USP34: variants seen among roughly 807,000 people sequenced by gnomAD.
USP34 encodes the protein ubiquitin specific peptidase 34.
A neutral mutation model predicts 460.3 loss-of-function variants in USP34; 70 were observed. The ratio of observed to expected loss-of-function variants is 0.15; its 90% CI spans 0.13 to 0.19. The LOEUF is 0.19. Among genes scored for constraint, USP34 ranks in the 10% least tolerant of loss-of-function variants. The pLI is 1.00. For synonymous variants in USP34, 1,647 were observed against 1,405.3 expected, an observed-to-expected ratio of 1.17 and a Z score of -3.85; for missense variants, 3,985 against 4,236.2, an observed-to-expected ratio of 0.94 and a Z score of 1.65.
At chr2:61,293,391 C>T in intron 33 of USP34, 73 bp downstream of exon 33, 1 of 1,164,940 alleles carries the variant, frequency 8.6e-7, no homozygotes, top group South Asian at 1.5e-5. Context: ...AAAAGCTATA[C>T]TTGCTGATGA....
chr2:61,398,431 G>C (rs1005340366), intron 3 of USP34, among the ~76,000 whole-genome samples: 18 of 144,352 alleles, frequency 1.2e-4, no homozygotes, highest in Non-Finnish European at 1.5e-5. Flanking sequence ...GAAAGGGTAA[G>C]GGAGGAGGAG....
chr2:61,284,796 A>C, intron 35 of USP34, 79 bp downstream of exon 35: 1 of 1,177,602 alleles, frequency 8.5e-7, no homozygotes, highest in Non-Finnish European at 1.2e-6. Flanking sequence ...TATTAAGTTT[A>C]GAATTTTTCA....
chr2:61,255,522 T>A (rs1688701432), intron 48 of USP34, among the ~76,000 whole-genome samples: 2 of 152,218 alleles, frequency 1.3e-5, no homozygotes, highest in South Asian at 4.1e-4. Flanking sequence ...TGTCTTCACA[T>A]GTAAAATGGG....
At chr2:61,408,002 C>T (rs772285970) in intron 2 of USP34, among the ~76,000 whole-genome samples, 2 of 152,126 alleles carry the variant, frequency 1.3e-5, no homozygotes, top group African/African-American at 2.4e-5. Context: ...GTAATCCCAG[C>T]TACTTGGGAT....
chr2:61,300,034 G>C (rs1690171882), intron 29 of USP34, among the ~76,000 whole-genome samples: 1 of 152,064 alleles, frequency 6.6e-6, no homozygotes, highest in East Asian at 1.9e-4. Flanking sequence ...GTTTTGACCT[G>C]TTGTCGATTT....
intron 20 of USP34, among the ~76,000 whole-genome samples, chr2:61,330,232 G>A (rs183247811): frequency 2.0e-5 from 3 of 152,130 alleles, no homozygotes; most frequent in Admixed American, 6.5e-5. Context: ...AAAGTAAAAC[G>A]GTCTCAAATG....
intron 1 of USP34, among the ~76,000 whole-genome samples, chr2:61,468,813 T>A (rs1695861203): frequency 6.6e-6 from 1 of 152,210 alleles, no homozygotes; most frequent in Non-Finnish European, 1.5e-5. Flanking sequence ...CAGATAATCT[T>A]AAATAAGACC....
At chr2:61,321,422 G>A (rs1206011136) in intron 21 of USP34, among the ~76,000 whole-genome samples, 1 of 152,190 alleles carries the variant, frequency 6.6e-6, no homozygotes, top group Non-Finnish European at 1.5e-5. Context: ...AGTGAGCCAA[G>A]ATTTGCGCCA....
At chr2:61,466,435 A>C (rs564730497) in intron 1 of USP34, among the ~76,000 whole-genome samples, 2 of 152,132 alleles carry the variant, frequency 1.3e-5, no homozygotes, top group Non-Finnish European at 2.9e-5. Context: ...CAAAAAAACA[A>C]TAATATATGA....
rs764921827 is a variant in USP34 at position 61,280,366 on chromosome 2, T to C, written c.5152-18A>G. 7.8e-7 allele frequency: 1 copy of C among 1,278,940 alleles called. No individual in the cohort carries two copies. The highest frequency in any genetic ancestry group is 1.1e-6 in the Non-Finnish European group (1 of 948,260). 79.2% of individuals were successfully genotyped at this position (1,278,940 alleles called of 1,614,324 possible). Reference sequence around the variant, plus strand: ...TCATCTATCTATTAAAAAAATTTTATACTTTGTGAAAACATTTTAAAAATA... The same window carrying C: ...TCATCTATCTATTAAAAAAATTTTACACTTTGTGAAAACATTTTAAAAATA... On this transcript the variant is annotated intron_variant, in intron 38 of 79. Coordinates refer to ENST00000398571, the MANE Select transcript of USP34 (RefSeq NM_014709.4).
At chr2:61,337,834 T>C (rs372829315) in intron 18 of USP34, among the ~76,000 whole-genome samples, 30 of 152,298 alleles carry the variant, frequency 2.0e-4, no homozygotes, top group African/African-American at 7.0e-4. Flanking sequence ...TTGTTAGGCA[T>C]ATACTTAGAA....
At chr2:61,236,284 A>T (rs571389024) in intron 54 of USP34, 41 bp downstream of exon 54, 22 of 1,589,312 alleles carry the variant, frequency 1.4e-5, no homozygotes, top group African/African-American at 1.1e-4. Context: ...AGATTTTTTT[A>T]AAATGTGTAA....
Position 61,387,082 on chromosome 2 carries a change from C to A in USP34, c.754-3746G>T, listed in dbSNP as rs766945286. ...AAGACAATCCAATTTTGCAAATGGG[C>A]GAGAGATTTAAACAGGTACTTCGCA... On this transcript the variant is annotated intron_variant, in intron 5 of 79. Coordinates refer to ENST00000398571, the MANE Select transcript of USP34 (RefSeq NM_014709.4). 3.9e-4 allele frequency among the ~76,000 whole-genome samples: 59 copies of A among 151,984 alleles called. 1 individual carries two copies. The highest frequency in any genetic ancestry group is 1.9e-4 in the East Asian group (1 of 5,194).
At chr2:61,438,669 C>T (rs1431493513) in intron 1 of USP34, among the ~76,000 whole-genome samples, 1 of 151,954 alleles carries the variant, frequency 6.6e-6, no homozygotes, top group Non-Finnish European at 1.5e-5. Flanking sequence ...GGAAAGTACA[C>T]CAACATAATA....
intron 48 of USP34, among the ~76,000 whole-genome samples, chr2:61,254,845 T>C (rs1290444358): frequency 4.6e-5 from 7 of 152,154 alleles, no homozygotes; most frequent in African/African-American, 1.2e-4. Context: ...AGAACAAGTA[T>C]AGCATTTTTT....
At chr2:61,271,786 T>G (rs114226121) in intron 41 of USP34, among the ~76,000 whole-genome samples, 128 of 152,318 alleles carry the variant, frequency 8.4e-4, no homozygotes, top group Non-Finnish European at 1.4e-3. Context: ...GTGTAAAATA[T>G]TTATCATGTT....
At chr2:61,303,721 C>G (rs947974754) in intron 27 of USP34, among the ~76,000 whole-genome samples, 4 of 151,922 alleles carry the variant, frequency 2.6e-5, no homozygotes, top group African/African-American at 7.2e-5. Context: ...CTCAGCCTCC[C>G]AAGTAGCTGG....
chr2:61,267,875 C>G (rs994314222), intron 41 of USP34, among the ~76,000 whole-genome samples: 1 of 152,172 alleles, frequency 6.6e-6, no homozygotes, highest in Non-Finnish European at 1.5e-5. Flanking sequence ...CAGCCTCGGC[C>G]TCCCAAAGTG....
chr2:61,214,019 C>A, intron 68 of USP34, 41 bp downstream of exon 68: 3 of 1,608,254 alleles, frequency 1.9e-6, no homozygotes, highest in Non-Finnish European at 2.5e-6. Context: ...TATTTCCAAT[C>A]TATTTGAGGA....
Sources: allele counts gnomAD v4.1 joint callset (sites outside exome capture counted in the v4.1 genomes callset), GRCh38; gene constraint gnomAD v4.1.1; transcripts MANE v1.5; gene names NCBI Gene and HGNC (gene_info 2026-07-23, HGNC 2026-07-21).